MTUS2: variants seen among roughly 807,000 people sequenced by gnomAD.
MTUS2 encodes microtubule associated scaffold protein 2.
Under a neutral mutation model 114.1 loss-of-function variants are expected in MTUS2, and 40 were observed. The observed-to-expected ratio is 0.35, with a 90% confidence interval of 0.27 to 0.46. MTUS2 has a LOEUF of 0.46. Ranked by LOEUF, MTUS2 falls within the 20% of genes least tolerant of loss-of-function variation. The probability of loss-of-function intolerance (pLI) is 1.00; values close to 1 mark genes in which losing one functional copy is unlikely to be tolerated. For missense variants in MTUS2, 1,679 were observed against 1,705.4 expected (o/e 0.98, Z 0.27); for synonymous variants, 688 against 672.0 (o/e 1.02, Z -0.37).
In MTUS2 at chr13:28,855,444, G is replaced by A. The variant is rs577441359; in HGVS notation, c.-243+15594G>A. Among the ~76,000 whole-genome samples the A allele has an allele frequency of 2.0e-5, 3 of 152,114 alleles. No individual in the cohort carries two copies. The East Asian group carries it at 5.8e-4, about 29-fold the overall frequency. On this transcript the variant is annotated intron_variant, in intron 2 of 15. Coordinates refer to ENST00000612955, the MANE Select transcript of MTUS2 (RefSeq NM_001033602.4). ...CCCTAGACTGCCCCACTACTGACAG[G>A]CCCCAGCGTGTGTCGTTCCCCTCCC...
intron 9 of MTUS2, among the ~76,000 whole-genome samples, chr13:29,475,016 G>A (rs1425003969): frequency 5.9e-5 from 9 of 152,066 alleles, no homozygotes; most frequent in Admixed American, 1.3e-4. Flanking sequence ...TAAATGATTA[G>A]CATTTTTCTT....
chr13:29,335,404 T>C (rs1233494851), intron 7 of MTUS2, among the ~76,000 whole-genome samples: 3 of 152,160 alleles, frequency 2.0e-5, no homozygotes, highest in Non-Finnish European at 4.4e-5. Flanking sequence ...GAAACTTCAT[T>C]AGCAATTTTA....
intron 4 of MTUS2, among the ~76,000 whole-genome samples, chr13:29,046,335 C>G (rs558508017): frequency 6.6e-6 from 1 of 152,082 alleles, no homozygotes; most frequent in African/African-American, 2.4e-5. Context: ...AGGCTGGTCT[C>G]GAACTCCTGA....
At chr13:29,183,111 T>C (rs1894074859) in intron 5 of MTUS2, among the ~76,000 whole-genome samples, 1 of 152,150 alleles carries the variant, frequency 6.6e-6, no homozygotes, top group African/African-American at 2.4e-5. Flanking sequence ...CTGTGTTCTG[T>C]AGTTTTATTG....
At chr13:29,235,697 C>T (rs565645983) in intron 5 of MTUS2, among the ~76,000 whole-genome samples, 1 of 152,016 alleles carries the variant, frequency 6.6e-6, no homozygotes, top group Non-Finnish European at 1.5e-5. Flanking sequence ...CAATAATTAA[C>T]AGACTTCTAT....
chr13:29,190,984 A>G (rs898988098), intron 5 of MTUS2, among the ~76,000 whole-genome samples: 3 of 152,052 alleles, frequency 2.0e-5, no homozygotes, highest in Non-Finnish European at 4.4e-5. Flanking sequence ...CTTATAAGAG[A>G]GCCTTTTTGG....
chr13:29,062,061 G>A (rs1037688675), intron 4 of MTUS2, among the ~76,000 whole-genome samples: 2 of 152,048 alleles, frequency 1.3e-5, no homozygotes, highest in Non-Finnish European at 2.9e-5. Flanking sequence ...CTTGGCTCAC[G>A]CTAACCCCTG....
intron 4 of MTUS2, among the ~76,000 whole-genome samples, chr13:29,096,308 C>T (rs1484825827): frequency 2.6e-5 from 4 of 152,210 alleles, no homozygotes; most frequent in Non-Finnish European, 5.9e-5. Context: ...GTCTTCCTCC[C>T]TTTGGTATCA....
At chr13:29,279,012 A>C (rs191337353) in intron 5 of MTUS2, among the ~76,000 whole-genome samples, 1 of 152,182 alleles carries the variant, frequency 6.6e-6, no homozygotes, top group African/African-American at 2.4e-5. Flanking sequence ...TAAAATTAGC[A>C]TGTACATTAA....
chr13:29,131,642 A>G (rs1339143729), intron 5 of MTUS2, among the ~76,000 whole-genome samples: 1 of 152,252 alleles, frequency 6.6e-6, no homozygotes, highest in Admixed American at 6.5e-5. Flanking sequence ...GCTGGGAGCT[A>G]CAGGGATTAA....
intron 8 of MTUS2, among the ~76,000 whole-genome samples, chr13:29,439,324 A>T (rs1215349057): frequency 1.3e-5 from 2 of 152,218 alleles, no homozygotes; most frequent in East Asian, 3.8e-4. Flanking sequence ...TTGATTTGAA[A>T]ACAACTTAGC....
At chr13:29,154,918 A>G (rs1440696598) in intron 5 of MTUS2, among the ~76,000 whole-genome samples, 4 of 152,240 alleles carry the variant, frequency 2.6e-5, no homozygotes, top group Admixed American at 6.5e-5. Flanking sequence ...ATTGGCACAC[A>G]GACATAAGTC....
intron 8 of MTUS2, among the ~76,000 whole-genome samples, chr13:29,412,978 C>T (rs907474596): frequency 4.6e-5 from 7 of 152,138 alleles, no homozygotes; most frequent in Admixed American, 2.6e-4. Context: ...AAGCCAGCAA[C>T]GGTTGAGTTT....
At chr13:28,935,082 G>C (rs1881831938) in intron 2 of MTUS2, among the ~76,000 whole-genome samples, 1 of 119,524 alleles carries the variant, frequency 8.4e-6, no homozygotes, top group South Asian at 2.8e-4. Context: ...AGGTGCACTT[G>C]TGTGTCTGGC....
chr13:28,993,396 A>G (rs1339009297), intron 2 of MTUS2, among the ~76,000 whole-genome samples: 1 of 152,172 alleles, frequency 6.6e-6, no homozygotes, highest in Non-Finnish European at 1.5e-5. Flanking sequence ...ATCTTAGCCA[A>G]TACCTGTTAT....
At chr13:29,411,769 T>A (rs952352540) in intron 8 of MTUS2, among the ~76,000 whole-genome samples, 1 of 152,220 alleles carries the variant, frequency 6.6e-6, no homozygotes, top group Non-Finnish European at 1.5e-5. Context: ...TCATTTAAAG[T>A]TTTCCTCAGA....
intron 2 of MTUS2, among the ~76,000 whole-genome samples, chr13:28,969,337 G>A (rs185876823): frequency 5.4e-4 from 82 of 152,188 alleles, no homozygotes; most frequent in Admixed American, 2.3e-3. Context: ...CATATACAGT[G>A]TATACTGATC....
At chr13:29,389,459 GTGTA>G (rs1449149744) in intron 8 of MTUS2, among the ~76,000 whole-genome samples, 6 of 115,976 alleles carry the variant, frequency 5.2e-5, no homozygotes, top group African/African-American at 8.9e-5. Flanking sequence ...ATACACGTGT[GTGTA>G]TGTGTATATG....
chr13:28,958,308 G>A (rs757371206), intron 2 of MTUS2, among the ~76,000 whole-genome samples: 4 of 152,174 alleles, frequency 2.6e-5, no homozygotes, highest in Non-Finnish European at 4.4e-5. Context: ...CTGTTTTCCC[G>A]CAAGCCTACT....
Sources: allele counts gnomAD v4.1 joint callset (sites outside exome capture counted in the v4.1 genomes callset), GRCh38; gene constraint gnomAD v4.1.1; transcripts MANE v1.5; gene names NCBI Gene and HGNC (gene_info 2026-07-23, HGNC 2026-07-21).